Variants in PRR16 observed in about 807,000 individuals in gnomAD.
The protein encoded by PRR16 is proline rich 16.
Under a neutral mutation model 18.2 loss-of-function variants are expected in PRR16, and 6 were observed. The ratio of observed to expected loss-of-function variants is 0.33; its 90% CI spans 0.18 to 0.65. PRR16 has a LOEUF of 0.65. Among genes scored for constraint, PRR16 ranks in the 30% least tolerant of loss-of-function variants. PRR16 has a pLI of 0.74. For synonymous variants in PRR16, 151 were observed against 147.8 expected (o/e 1.02, Z -0.16); for missense variants, 412 against 376.6 (o/e 1.09, Z -0.78).
At chr5:120,585,638 C>G (rs192399521) in intron 1 of PRR16, among the ~76,000 whole-genome samples, 2 of 149,458 alleles carry the variant, frequency 1.3e-5, no homozygotes, top group East Asian at 3.9e-4. Flanking sequence ...AAAGCTCCTT[C>G]TTCACACTAC....
At chr5:120,775,794 C>CTTTTTTTTTT in the PRR16 span, among the ~76,000 whole-genome samples, 13 of 122,564 alleles carry the variant, frequency 1.1e-4, no homozygotes, top group South Asian at 2.6e-4. Flanking sequence ...CTACGCCTGG[C>CTTTTTTTTTT]TATTTTTTTT....
chr5:120,476,016 C>G (rs918105853), intron 1 of PRR16, among the ~76,000 whole-genome samples: 1 of 152,098 alleles, frequency 6.6e-6, no homozygotes, highest in South Asian at 2.1e-4. Context: ...TGATTAGCTG[C>G]TTTCTTTCCC....
chr5:120,579,361 C>A (rs1580746767), intron 1 of PRR16, among the ~76,000 whole-genome samples: 1 of 152,172 alleles, frequency 6.6e-6, no homozygotes, highest in East Asian at 1.9e-4. Flanking sequence ...CCTAGGTTTT[C>A]TTCTAGGGTT....
intron 1 of PRR16, among the ~76,000 whole-genome samples, chr5:120,584,287 C>G (rs1301069800): frequency 6.6e-6 from 1 of 152,118 alleles, no homozygotes; most frequent in African/African-American, 2.4e-5. Flanking sequence ...TTCTTGAGAA[C>G]TATCTTAGAG....
chr5:120,602,549 C>G (rs1754017803), intron 1 of PRR16, among the ~76,000 whole-genome samples: 1 of 151,970 alleles, frequency 6.6e-6, no homozygotes, highest in Non-Finnish European at 1.5e-5. Context: ...ATTTGAAAGC[C>G]ATTTATTTCT....
At chr5:120,490,410 C>T (rs1366247690) in intron 1 of PRR16, among the ~76,000 whole-genome samples, 1 of 152,082 alleles carries the variant, frequency 6.6e-6, no homozygotes, top group African/African-American at 2.4e-5. Flanking sequence ...TTTCGTCTTC[C>T]ATCGCTGATA....
chr5:120,712,018 T>C, the PRR16 span, among the ~76,000 whole-genome samples: 1 of 152,204 alleles, frequency 6.6e-6, no homozygotes, highest in Non-Finnish European at 1.5e-5. Context: ...ATTTTTCCTC[T>C]TATTGACAAG....
chr5:120,765,211 T>C, the PRR16 span, among the ~76,000 whole-genome samples: 2 of 152,156 alleles, frequency 1.3e-5, no homozygotes, highest in South Asian at 2.1e-4. Flanking sequence ...CAGAAAATAA[T>C]CTGTGAAATA....
intron 1 of PRR16, among the ~76,000 whole-genome samples, chr5:120,671,540 G>C (rs1756605259): frequency 6.6e-6 from 1 of 152,068 alleles, no homozygotes; most frequent in Non-Finnish European, 1.5e-5. Flanking sequence ...TTTTTAACAA[G>C]TAATTTAATA....
rs1242806494 is a variant in PRR16 at position 120,677,387 on chromosome 5, T to C, written c.160-8567T>C. Among the ~76,000 whole-genome samples, 4 of 152,134 alleles carry C rather than the reference T, an allele frequency of 2.6e-5. No homozygotes were observed. In the East Asian group the frequency reaches 7.7e-4, roughly 29 times the overall value. ...TGCTATCCTATATATTATGCCTGTG[T>C]TGGACACAGTTCTTTTACCGACCAG... On this transcript the variant is annotated intron_variant, in intron 1 of 1. Transcript: ENST00000407149.
intron 1 of PRR16, among the ~76,000 whole-genome samples, chr5:120,569,456 G>A (rs1580735122): frequency 6.6e-6 from 1 of 152,060 alleles, no homozygotes; most frequent in African/African-American, 2.4e-5. Flanking sequence ...GTGAGAATTT[G>A]GCTACCACAT....
At chr5:120,695,413 C>CATTT in the PRR16 span, among the ~76,000 whole-genome samples, 1 of 152,146 alleles carries the variant, frequency 6.6e-6, no homozygotes, top group Non-Finnish European at 1.5e-5. Flanking sequence ...CAATCTCTCT[C>CATTT]ATTTTTTTAA....
intron 1 of PRR16, among the ~76,000 whole-genome samples, chr5:120,628,462 C>A (rs555398735): frequency 1.3e-5 from 2 of 152,018 alleles, no homozygotes; most frequent in East Asian, 1.9e-4. Context: ...TCTCATGAAG[C>A]CTAGCACTGT....
the PRR16 span, among the ~76,000 whole-genome samples, chr5:120,754,551 A>T: frequency 2.6e-5 from 2 of 77,058 alleles, no homozygotes; most frequent in Non-Finnish European, 4.4e-5. Context: ...AATTATATAT[A>T]ATATATATTA....
intron 1 of PRR16, among the ~76,000 whole-genome samples, chr5:120,611,542 G>A (rs1009883155): frequency 6.6e-6 from 1 of 152,182 alleles, no homozygotes; most frequent in Non-Finnish European, 1.5e-5. Flanking sequence ...GGTTGAAAGG[G>A]GCCAATGTAA....
chr5:120,699,079 G>T, the PRR16 span, among the ~76,000 whole-genome samples: 1 of 152,056 alleles, frequency 6.6e-6, no homozygotes, highest in Non-Finnish European at 1.5e-5. Context: ...CCCTGACTCG[G>T]GACATGTTGA....
At chr5:120,710,492 A>T in the PRR16 span, among the ~76,000 whole-genome samples, 3 of 152,166 alleles carry the variant, frequency 2.0e-5, no homozygotes, top group African/African-American at 7.2e-5. Context: ...AAATATTTTT[A>T]AAAATTTTAG....
At chr5:120,519,852 G>T (rs1190975231) in intron 1 of PRR16, among the ~76,000 whole-genome samples, 7 of 151,934 alleles carry the variant, frequency 4.6e-5, no homozygotes, top group Non-Finnish European at 8.8e-5. Context: ...AGCTGAAAAA[G>T]AATAATTTTT....
At chr5:120,594,423 C>G (rs942945894) in intron 1 of PRR16, among the ~76,000 whole-genome samples, 9 of 151,722 alleles carry the variant, frequency 5.9e-5, no homozygotes, top group Non-Finnish European at 1.3e-4. Context: ...TGAAAAATCT[C>G]TACAATGAAA....
Sources: gnomAD v4.1 joint callset for allele counts (sites outside exome capture counted in the v4.1 genomes callset) on GRCh38, gnomAD v4.1.1 for gene constraint, MANE v1.5 for transcripts, NCBI Gene and HGNC (gene_info 2026-07-23, HGNC 2026-07-21) for gene names.